The following FER variants were observed in gnomAD, a reference collection of about 807,000 sequenced individuals.
FER encodes FER tyrosine kinase.
In FER, 63 loss-of-function variants were observed where a neutral mutation model predicts 111.0. The ratio of observed to expected loss-of-function variants is 0.57; its 90% CI spans 0.46 to 0.70. The LOEUF (loss-of-function observed/expected upper bound fraction) is 0.70, where lower values mean the gene tolerates loss of function less well. FER is among the 30% of genes least tolerant of loss of function. The probability of loss-of-function intolerance (pLI) is 0.00; values close to 1 mark genes in which losing one functional copy is unlikely to be tolerated. For synonymous variants in FER, 327 were observed against 313.9 expected (o/e 1.04, Z -0.44); for missense variants, 914 against 954.0 (o/e 0.96, Z 0.55).
chr5:108,913,389 T>C (rs956790144), intron 10 of FER, among the ~76,000 whole-genome samples: 2 of 152,202 alleles, frequency 1.3e-5, no homozygotes, highest in Admixed American at 6.5e-5. Flanking sequence ...AGGGGTAAAT[T>C]AGTCTAGTAT....
At chr5:108,858,081 A>G (rs1763171006) in intron 5 of FER, among the ~76,000 whole-genome samples, 1 of 152,192 alleles carries the variant, frequency 6.6e-6, no homozygotes, top group Non-Finnish European at 1.5e-5. Flanking sequence ...GAAATAAGCA[A>G]CACGTACACA....
rs540124260 is a variant in FER at position 108,970,070 on chromosome 5, C to T, written c.1656+10723C>T. Among the ~76,000 whole-genome samples the T allele has an allele frequency of 6.3e-3, 936 of 147,856 alleles. 160 individuals are homozygous for T. Among genetic ancestry groups the T allele is most frequent in the African/African-American group, 0.024 (906 of 37,408 alleles). On this transcript the variant is annotated intron_variant, in intron 13 of 19. Transcript: ENST00000281092. ...TTTCCCATAATTTATATGAAGAAAT[C>T]GCATTGTAGTTTAAGACTCAGGACA...
intron 13 of FER, among the ~76,000 whole-genome samples, chr5:109,001,976 TACAA>T (rs1302426352): frequency 2.0e-5 from 3 of 151,886 alleles, no homozygotes; most frequent in African/African-American, 7.3e-5. Flanking sequence ...TAAAAGAGGA[TACAA>T]ACAAATGGAA....
chr5:108,861,393 T>G (rs1451159901), intron 5 of FER, among the ~76,000 whole-genome samples: 1 of 152,222 alleles, frequency 6.6e-6, no homozygotes, highest in African/African-American at 2.4e-5. Flanking sequence ...ATATGTTGTT[T>G]ATGCATTCTG....
chr5:109,013,310 A>G (rs1271287924), intron 13 of FER, among the ~76,000 whole-genome samples: 1 of 141,828 alleles, frequency 7.1e-6, no homozygotes, highest in Non-Finnish European at 1.5e-5. Context: ...ATTCCCACCT[A>G]TGAGTGAGAA....
intron 17 of FER, among the ~76,000 whole-genome samples, chr5:109,175,493 C>T (rs528878587): frequency 1.3e-5 from 2 of 152,126 alleles, no homozygotes; most frequent in South Asian, 4.1e-4. Flanking sequence ...AACTATAAAA[C>T]TACTTCAGAA....
chr5:108,945,570 CA>C (rs1346914597), intron 10 of FER, among the ~76,000 whole-genome samples: 1 of 151,868 alleles, frequency 6.6e-6, no homozygotes, highest in East Asian at 1.9e-4. Context: ...ATCCTCCTCC[CA>C]CCCGCCTTTC....
rs573155351 is a variant in FER at position 109,163,371 on chromosome 5, C to T, written c.2049-17376C>T. Among the ~76,000 whole-genome samples, 383 of 152,102 alleles carry T rather than the reference C, an allele frequency of 2.5e-3. 4 individuals carry two copies. Among genetic ancestry groups the T allele is most frequent in the Admixed American group, 4.1e-3 (63 of 15,270 alleles). On this transcript the variant is annotated intron_variant, in intron 17 of 19. Transcript: ENST00000281092. ...AATAGTCATATGTAAGTCTTTGTGT[C>T]AGTGTGTTATTTTTCTTGAGAAAAT... is the stretch of plus-strand genomic sequence containing the variant.
intron 17 of FER, among the ~76,000 whole-genome samples, chr5:109,142,442 G>A (rs1753628368): frequency 6.6e-6 from 1 of 151,992 alleles, no homozygotes; most frequent in Non-Finnish European, 1.5e-5. Flanking sequence ...GGCTCCATCT[G>A]GAAAATTTTC....
At chr5:108,930,903 C>A (rs1033731884) in intron 10 of FER, among the ~76,000 whole-genome samples, 1 of 151,954 alleles carries the variant, frequency 6.6e-6, no homozygotes, top group African/African-American at 2.4e-5. Context: ...CGTGAGCCAA[C>A]GCCCCTGGCC....
chr5:108,897,156 G>A (rs1425690536), intron 9 of FER, among the ~76,000 whole-genome samples: 1 of 152,160 alleles, frequency 6.6e-6, no homozygotes, highest in East Asian at 1.9e-4. Context: ...TTAGCCCTTA[G>A]TCCTTGTCAT....
intron 1 of FER, among the ~76,000 whole-genome samples, chr5:108,754,552 T>C (rs1750874149): frequency 6.6e-6 from 1 of 152,258 alleles, no homozygotes; most frequent in Non-Finnish European, 1.5e-5. Context: ...ATCATTCTTA[T>C]AATGCTACAT....
chr5:108,867,447 A>G (rs1764176485), intron 5 of FER, among the ~76,000 whole-genome samples: 1 of 152,066 alleles, frequency 6.6e-6, no homozygotes, highest in Non-Finnish European at 1.5e-5. Flanking sequence ...TTACAGTTTT[A>G]TGTGCACTGC....
At chr5:108,749,303 T>TCCC (rs1319694995) in intron 1 of FER, among the ~76,000 whole-genome samples, 1 of 151,402 alleles carries the variant, frequency 6.6e-6, no homozygotes, top group Middle Eastern at 3.2e-3. Flanking sequence ...CCTCCCACCA[T>TCCC]CCCGGGACCC....
intron 17 of FER, among the ~76,000 whole-genome samples, chr5:109,120,679 G>A (rs558300906): frequency 7.9e-5 from 12 of 152,022 alleles, no homozygotes; most frequent in African/African-American, 2.9e-4. Context: ...TTAGTTTGTT[G>A]ATTGCTTTGG....
chr5:109,176,488 A>G (rs1757705067), intron 17 of FER, among the ~76,000 whole-genome samples: 1 of 152,162 alleles, frequency 6.6e-6, no homozygotes, highest in Non-Finnish European at 1.5e-5. Context: ...AAGGGTAGAG[A>G]GGTGGGGAGG....
rs748683152 is a variant in FER at position 109,194,421 on chromosome 5, T to C, written c.*6846T>C. ...TGTACTCTGCAGTTCCTCAAAGCAG[T>C]ATTCTTCCTGAAAAGCCAAACACCA... is the stretch of plus-strand genomic sequence containing the variant. On this transcript the variant is annotated 3_prime_UTR_variant, in exon 20 of 20. Transcript: ENST00000281092. 2 of 152,222 alleles carry C rather than the reference T, an allele frequency of 1.3e-5. No homozygotes were observed. Among genetic ancestry groups the C allele is most frequent in the Admixed American group, 6.5e-5 (1 of 15,276 alleles). 9.4% of individuals were successfully genotyped at this position (152,222 alleles called of 1,614,324 possible).
intron 1 of FER, among the ~76,000 whole-genome samples, chr5:108,761,526 G>T (rs756307116): frequency 1.3e-5 from 2 of 152,108 alleles, no homozygotes; most frequent in Admixed American, 6.5e-5. Context: ...TAATATCAAA[G>T]ATCACTGATC....
Position 108,897,795 on chromosome 5 carries a change from G to A in FER, c.1183G>A (p.Glu395Lys), listed in dbSNP as rs1169054508. The change falls in exon 10 of 20, where the codon GAG becomes AAG. Residue 395 changes from glutamate to lysine, a missense_variant. By Grantham distance (56) the Glu-to-Lys change is moderately conservative (BLOSUM62 1). Coordinates refer to ENST00000281092, the MANE Select transcript of FER (RefSeq NM_005246.4). ...AAAAGTGCAAGAAAATGATGGGAAA[G>A]AGCCACCTCCAGTAGTAAATTATGA... ...EQKVQENDGK[E>K]PPPVVNYEED... 28 of 1,613,234 alleles carry A rather than the reference G, an allele frequency of 1.7e-5. No individual in the cohort carries two copies. The highest frequency in any genetic ancestry group is 2.3e-5 in the Non-Finnish European group (27 of 1,179,670).
Sources: gnomAD v4.1 joint callset for allele counts (sites outside exome capture counted in the v4.1 genomes callset) on GRCh38, gnomAD v4.1.1 for gene constraint, MANE v1.5 for transcripts, NCBI Gene and HGNC (gene_info 2026-07-23, HGNC 2026-07-21) for gene names.